ABLIM3: variants seen among roughly 807,000 people sequenced by gnomAD.
The protein encoded by ABLIM3 is actin binding LIM protein family member 3.
ABLIM3 carries 61 observed loss-of-function variants against 109.5 expected under a neutral mutation model. The observed-to-expected ratio is 0.56, with a 90% confidence interval of 0.45 to 0.69. The LOEUF is 0.69. Ranked by LOEUF, ABLIM3 falls within the 30% of genes least tolerant of loss-of-function variation. ABLIM3 has a pLI of 0.00. For synonymous variants in ABLIM3, 300 were observed against 324.8 expected (o/e 0.92, Z 0.82); for missense variants, 796 against 889.5 (o/e 0.89, Z 1.34).
intron 16 of ABLIM3, 71 bp from the exon 17 acceptor site, chr5:149,246,409 TAA>T (rs34340554): frequency 2.5e-4 from 350 of 1,373,516 alleles, no homozygotes; most frequent in East Asian, 4.1e-4. Context: ...TTTTCTTTTT[TAA>T]AAAAAAAATG....
intron 2 of ABLIM3, among the ~76,000 whole-genome samples, chr5:149,146,493 ATGG>A (rs2127427553): frequency 6.6e-6 from 1 of 152,326 alleles, no homozygotes; most frequent in East Asian, 1.9e-4. Flanking sequence ...ATTTTTGTAT[ATGG>A]TGAAAGGTAA....
At chr5:149,201,135 T>C (rs1390552221) in intron 5 of ABLIM3, among the ~76,000 whole-genome samples, 2 of 152,032 alleles carry the variant, frequency 1.3e-5, no homozygotes, top group Admixed American at 6.5e-5. Context: ...CTCAGAATGG[T>C]CATTCTAATT....
At chr5:149,183,908 G>C (rs1426675075) in intron 3 of ABLIM3, among the ~76,000 whole-genome samples, 1 of 151,574 alleles carries the variant, frequency 6.6e-6, no homozygotes, top group Non-Finnish European at 1.5e-5. Flanking sequence ...GAGAGCAAAT[G>C]AAAGTGCAAA....
intron 18 of ABLIM3, among the ~76,000 whole-genome samples, chr5:149,249,293 G>A (rs532441190): frequency 6.6e-6 from 1 of 152,320 alleles, no homozygotes; most frequent in African/African-American, 2.4e-5. Context: ...GATGCGTCAG[G>A]CACTATGCTA....
chr5:149,251,269 C>A, intron 20 of ABLIM3, 90 bp from the exon 21 acceptor site: 2 of 1,451,224 alleles, frequency 1.4e-6, no homozygotes, highest in Non-Finnish European at 1.9e-6. Flanking sequence ...GTCCCACAAG[C>A]GCCAGTCCAT....
chr5:149,162,752 A>G (rs756688053), intron 2 of ABLIM3, among the ~76,000 whole-genome samples: 2 of 152,068 alleles, frequency 1.3e-5, no homozygotes, highest in African/African-American at 4.8e-5. Flanking sequence ...CCCTCACTCA[A>G]TGCTTTTGAC....
chr5:149,190,369 A>G (rs1396888341), intron 3 of ABLIM3, among the ~76,000 whole-genome samples: 1 of 152,190 alleles, frequency 6.6e-6, no homozygotes, highest in Admixed American at 6.5e-5. Flanking sequence ...ATGACTTGTG[A>G]ATTGTATCTC....
chr5:149,153,640 T>C (rs1426684929), intron 2 of ABLIM3, among the ~76,000 whole-genome samples: 1 of 151,934 alleles, frequency 6.6e-6, no homozygotes, highest in African/African-American at 2.4e-5. Flanking sequence ...CAGAAATGAG[T>C]GACCGGAACA....
intron 2 of ABLIM3, among the ~76,000 whole-genome samples, chr5:149,155,082 A>C (rs1028261725): frequency 1.9e-4 from 29 of 152,234 alleles, no homozygotes; most frequent in African/African-American, 6.8e-4. Flanking sequence ...ATGAGATTCA[A>C]AGGTAAATTG....
chr5:149,250,891 G>A (rs1753857190), intron 20 of ABLIM3, among the ~76,000 whole-genome samples: 1 of 152,226 alleles, frequency 6.6e-6, no homozygotes, highest in Non-Finnish European at 1.5e-5. Flanking sequence ...AAGTAGTAGA[G>A]CCAGGATTCA....
intron 2 of ABLIM3, among the ~76,000 whole-genome samples, chr5:149,159,352 CAG>C (rs1276147097): frequency 6.6e-6 from 1 of 152,150 alleles, no homozygotes; most frequent in Non-Finnish European, 1.5e-5. Flanking sequence ...GAAATTATAA[CAG>C]AGTTTGCCTT....
chr5:149,250,630 C>T, intron 20 of ABLIM3, 125 bp downstream of exon 20: 1 of 1,085,354 alleles, frequency 9.2e-7, no homozygotes, highest in Non-Finnish European at 1.4e-6. Context: ...TTAACTGACA[C>T]AACTGTATGG....
rs1759458721 is a variant in ABLIM3 at position 149,210,733 on chromosome 5, G to A, written c.583G>A (p.Val195Ile). Residue 195 changes from valine to isoleucine, a missense_variant, in exon 7 of 24, where the codon GTT (valine) becomes ATT (isoleucine). By Grantham distance (29) the Val-to-Ile change is conservative. Transcript: ENST00000309868. The stretch of plus-strand genomic sequence containing the variant: ...GTGAACTTCTTCTTGCAGGGATGGT[G>A]TTCCATACTGTGAGTCCGACTACCA... ...LTGEYISKDG[V>I]PYCESDYHAQ... 6 of 1,613,948 alleles carry A rather than the reference G, an allele frequency of 3.7e-6. No individual in the cohort carries two copies. The East Asian group carries it at 1.1e-4, about 30-fold the overall frequency.
intron 3 of ABLIM3, among the ~76,000 whole-genome samples, chr5:149,185,786 C>T (rs533009592): frequency 2.0e-5 from 3 of 152,122 alleles, no homozygotes; most frequent in African/African-American, 7.2e-5. Flanking sequence ...ATTTCTTTTA[C>T]GACTCTTTTA....
intron 2 of ABLIM3, among the ~76,000 whole-genome samples, chr5:149,173,402 C>T (rs1257805901): frequency 6.6e-6 from 1 of 152,198 alleles, no homozygotes; most frequent in Non-Finnish European, 1.5e-5. Context: ...TCATTTTGGC[C>T]TGACCTCAGG....
chr5:149,167,546 G>A lies in ABLIM3; in HGVS notation c.14-15906G>A, dbSNP rs185736426. ...TTTTTCAGATGGTCTCAACAAGGAT[G>A]TCATTTTCTTACAGACAAGAGCTAT... On this transcript the variant is annotated intron_variant, in intron 2 of 23. Transcript: ENST00000309868. Among the ~76,000 whole-genome samples, 4 of 152,280 alleles carry A rather than the reference G, an allele frequency of 2.6e-5. No individual in the cohort carries two copies. In the East Asian group the frequency reaches 7.7e-4, roughly 29 times the overall value.
intron 9 of ABLIM3, among the ~76,000 whole-genome samples, 174 bp from the exon 10 acceptor site, chr5:149,233,055 C>T (rs1240328305): frequency 6.6e-6 from 1 of 152,118 alleles, no homozygotes; most frequent in Non-Finnish European, 1.5e-5. Flanking sequence ...CATTTTTGGT[C>T]GCATTCATAC....
rs116270680 is a variant in ABLIM3, at chr5:149,201,127, C to A, written c.448+699C>A. Among the ~76,000 whole-genome samples, 1,474 of 152,264 alleles carry A rather than the reference C, an allele frequency of 9.7e-3. 18 individuals carry two copies. Among genetic ancestry groups the A allele is most frequent in the African/African-American group, 0.034 (1,409 of 41,540 alleles). On this transcript the variant is annotated intron_variant, in intron 5 of 23. Transcript: ENST00000309868. ...GAAACTGAGGACCAGGAGCGCGCCT[C>A]AGAATGGTCATTCTAATTTGTGGGA...
chr5:149,205,068 T>C (rs2918286), intron 5 of ABLIM3, among the ~76,000 whole-genome samples: 66,339 of 152,060 alleles, frequency 0.44, 15,106 homozygotes, highest in East Asian at 0.65. Flanking sequence ...CACTGGATGA[T>C]CATGTCAAGC....
Sources: allele counts gnomAD v4.1 joint callset (sites outside exome capture counted in the v4.1 genomes callset), GRCh38; gene constraint gnomAD v4.1.1; transcripts MANE v1.5; gene names NCBI Gene and HGNC (gene_info 2026-07-23, HGNC 2026-07-21).